Variants in GRID2 observed in about 807,000 individuals in gnomAD.
The protein encoded by GRID2 is glutamate receptor ionotropic, delta-2.
A neutral mutation model predicts 114.8 loss-of-function variants in GRID2; 33 were observed. The ratio of observed to expected loss-of-function variants is 0.29; its 90% CI spans 0.22 to 0.38. The LOEUF (loss-of-function observed/expected upper bound fraction) is 0.38, where lower values mean the gene tolerates loss of function less well. Ranked by LOEUF, GRID2 falls within the 10% of genes least tolerant of loss-of-function variation. GRID2 has a pLI of 1.00. For synonymous variants in GRID2, 505 were observed against 449.9 expected (o/e 1.12, Z -1.55); for missense variants, 1,184 against 1,257.7 (o/e 0.94, Z 0.89).
intron 2 of GRID2, among the ~76,000 whole-genome samples, chr4:93,066,158 T>C (rs1023815079): frequency 4.6e-5 from 7 of 151,944 alleles, no homozygotes; most frequent in Non-Finnish European, 8.8e-5. Context: ...CACCGGAGTT[T>C]AGATTATACA....
rs566812783 is a variant in GRID2 at position 93,395,377 on chromosome 4, A to G, written c.1246-230A>G. On this transcript the variant is annotated intron_variant, in intron 8 of 15. Transcript: ENST00000282020. The stretch of plus-strand genomic sequence containing the variant: ...GTCCTCATTAAGTAAAATGTCCTCA[A>G]TGAGCCTCCTAAAGCACATTGGGTA... Among the ~76,000 whole-genome samples, 9 of 152,152 alleles carry G rather than the reference A, an allele frequency of 5.9e-5. No homozygotes were observed. In the South Asian group the frequency reaches 6.2e-4, roughly 11 times the overall value.
At chr4:92,430,431 T>G (rs1011993545) in intron 1 of GRID2, among the ~76,000 whole-genome samples, 1 of 152,126 alleles carries the variant, frequency 6.6e-6, no homozygotes, top group African/African-American at 2.4e-5. Context: ...GGATTTGTTT[T>G]GGTTCTTGGT....
chr4:93,762,259 T>A (rs1420647914), intron 14 of GRID2, among the ~76,000 whole-genome samples: 4 of 152,212 alleles, frequency 2.6e-5, no homozygotes, highest in Non-Finnish European at 5.9e-5. Flanking sequence ...CAGTGATAAC[T>A]GACATTAAAC....
intron 14 of GRID2, among the ~76,000 whole-genome samples, chr4:93,659,939 G>T (rs566277756): frequency 2.2e-4 from 33 of 151,880 alleles, no homozygotes; most frequent in Non-Finnish European, 3.5e-4. Flanking sequence ...TTAAAAAATT[G>T]CTTTCACATG....
At position 93,085,262 on chromosome 4, in the gene GRID2, T is replaced by A; in HGVS notation, c.512T>A (p.Phe171Tyr). The A allele has an allele frequency of 6.2e-7, 1 of 1,612,444 alleles. No individual in the cohort carries two copies. Among genetic ancestry groups the A allele is most frequent in the Non-Finnish European group, 8.5e-7 (1 of 1,178,408 alleles). The change falls in exon 3 of 16, where the codon TTC (phenylalanine) becomes TAC (tyrosine). Residue 171 changes from phenylalanine (F) to tyrosine (Y), a missense_variant. By Grantham distance (22) the Phe-to-Tyr change is conservative. Transcript: ENST00000282020. The part of the protein sequence containing the change: ...TEYAWQKFII[F>Y]YDSEYDIRGI... The stretch of plus-strand genomic sequence containing the variant: ...TATGCCTGGCAGAAATTCATTATAT[T>A]CTATGATAGTGAATACGGTAAGTGT...
At chr4:93,699,442 G>A (rs1727320022) in intron 14 of GRID2, among the ~76,000 whole-genome samples, 2 of 152,094 alleles carry the variant, frequency 1.3e-5, no homozygotes, top group East Asian at 1.9e-4. Flanking sequence ...AAGGATACAG[G>A]TGCTGAGCAG....
At chr4:93,085,351 A>C (rs1730237038) in intron 3 of GRID2, 72 bp downstream of exon 3, 1 of 1,192,878 alleles carries the variant, frequency 8.4e-7, no homozygotes, top group Non-Finnish European at 1.2e-6. Flanking sequence ...TAAATCTTAA[A>C]AGTTTCAAGG....
intron 1 of GRID2, among the ~76,000 whole-genome samples, chr4:92,491,606 TC>T (rs938222094): frequency 1.3e-5 from 2 of 152,170 alleles, no homozygotes. Flanking sequence ...TGATTTTTTT[TC>T]ATTGTCATGT....
intron 11 of GRID2, among the ~76,000 whole-genome samples, chr4:93,475,199 T>C (rs535338337): frequency 2.1e-4 from 32 of 152,270 alleles, no homozygotes; most frequent in Admixed American, 7.2e-4. Context: ...GGAAAAATTA[T>C]TTTAACCATT....
intron 1 of GRID2, among the ~76,000 whole-genome samples, chr4:92,315,993 C>CAA (rs778361565): frequency 0.054 from 3,344 of 61,910 alleles, 142 homozygotes; most frequent in African/African-American, 0.14. Flanking sequence ...AAACAAAAAG[C>CAA]AAAAAAAAAA....
chr4:93,605,936 TATGAAAAGATTAGTAG>T (rs1201674849), intron 13 of GRID2, among the ~76,000 whole-genome samples: 3 of 152,096 alleles, frequency 2.0e-5, no homozygotes, highest in Non-Finnish European at 2.9e-5. Context: ...TGATCCCAGT[TATGAAAAGATTAGTAG>T]AAGTTAGAGA....
chr4:92,640,071 T>C (rs1731269168), intron 2 of GRID2, among the ~76,000 whole-genome samples: 1 of 151,798 alleles, frequency 6.6e-6, no homozygotes, highest in African/African-American at 2.4e-5. Flanking sequence ...AAAACACATA[T>C]ATTTAGTGCA....
intron 2 of GRID2, among the ~76,000 whole-genome samples, chr4:93,032,220 A>T (rs540708967): frequency 6.6e-6 from 1 of 152,284 alleles, no homozygotes; most frequent in Non-Finnish European, 1.5e-5. Flanking sequence ...ATTATAAGTT[A>T]TATTTCAAAC....
intron 2 of GRID2, among the ~76,000 whole-genome samples, chr4:92,659,260 C>T (rs1260714287): frequency 4.0e-5 from 6 of 151,488 alleles, no homozygotes; most frequent in African/African-American, 9.7e-5. Flanking sequence ...TAGTTATTGC[C>T]ATTTACATGT....
intron 7 of GRID2, among the ~76,000 whole-genome samples, chr4:93,230,260 TTGAC>T (rs899276418): frequency 6.6e-6 from 1 of 152,072 alleles, no homozygotes; most frequent in Non-Finnish European, 1.5e-5. Context: ...CATATATTTT[TTGAC>T]TGACCTGATC....
At chr4:92,844,352 C>T (rs1024442751) in intron 2 of GRID2, among the ~76,000 whole-genome samples, 3 of 151,878 alleles carry the variant, frequency 2.0e-5, no homozygotes, top group South Asian at 2.1e-4. Context: ...CAGCCTGAAC[C>T]ACATGGTGAA....
In GRID2 at chr4:92,972,109, A is replaced by C. The variant is rs185034185; in HGVS notation, c.245-112886A>C. On this transcript the variant is annotated intron_variant, in intron 2 of 15. Coordinates refer to ENST00000282020, the MANE Select transcript of GRID2 (RefSeq NM_001510.4). Reference sequence around the variant, plus strand: ...GTCCTACTTTTAGTTTTTTTTTCTCAGAAACTTCCATACTGTTCTCCATAG... The same window carrying C: ...GTCCTACTTTTAGTTTTTTTTTCTCCGAAACTTCCATACTGTTCTCCATAG... 3.2e-3 allele frequency among the ~76,000 whole-genome samples: 479 copies of C among 151,908 alleles called. 2 individuals are homozygous for C. The highest frequency in any genetic ancestry group is 5.6e-3 in the South Asian group (27 of 4,820).
At chr4:92,931,139 A>T (rs1750200506) in intron 2 of GRID2, among the ~76,000 whole-genome samples, 1 of 151,130 alleles carries the variant, frequency 6.6e-6, no homozygotes, top group South Asian at 2.1e-4. Flanking sequence ...ATTCAGAAAT[A>T]CATAATAATA....
intron 1 of GRID2, among the ~76,000 whole-genome samples, chr4:92,543,743 T>G (rs780987835): frequency 2.6e-5 from 4 of 152,140 alleles, no homozygotes; most frequent in Admixed American, 1.3e-4. Context: ...ACATTTTATG[T>G]TGGTACATGA....
Sources: allele counts gnomAD v4.1 joint callset (sites outside exome capture counted in the v4.1 genomes callset), GRCh38; gene constraint gnomAD v4.1.1; transcripts MANE v1.5; gene names NCBI Gene and HGNC (gene_info 2026-07-23, HGNC 2026-07-21).